The following TJP1 variants were observed in gnomAD, a reference collection of about 807,000 sequenced individuals.
TJP1 encodes the protein tight junction protein ZO-1.
TJP1 carries 43 observed loss-of-function variants against 194.2 expected under a neutral mutation model. That is an observed-to-expected ratio of 0.22 (90% CI 0.17 to 0.29). The LOEUF (loss-of-function observed/expected upper bound fraction) is 0.29. TJP1 is among the 10% of genes least tolerant of loss of function. The probability of loss-of-function intolerance (pLI) is 1.00; values close to 1 mark genes in which losing one functional copy is unlikely to be tolerated. For synonymous variants in TJP1, 801 were observed against 779.0 expected (o/e 1.03, Z -0.47); for missense variants, 1,971 against 2,185.7 (o/e 0.90, Z 1.96).
intron 2 of TJP1, among the ~76,000 whole-genome samples, chr15:29,919,783 T>C (rs934675888): frequency 3.9e-5 from 6 of 152,218 alleles, no homozygotes; most frequent in African/African-American, 1.2e-4. Flanking sequence ...CCCAGCCTGT[T>C]CATTTCTTCT....
At chr15:29,772,203 A>G (rs1367959287) in intron 3 of TJP1, 37 bp from the exon 4 acceptor site, 1 of 1,282,780 alleles carries the variant, frequency 7.8e-7, no homozygotes, top group South Asian at 1.3e-5. Flanking sequence ...ATGTTAGAGA[A>G]AAACATTCTG....
At chr15:29,938,872 A>G (rs1320504863) in intron 2 of TJP1, among the ~76,000 whole-genome samples, 1 of 152,228 alleles carries the variant, frequency 6.6e-6, no homozygotes, top group East Asian at 1.9e-4. Context: ...AACGCTTCCT[A>G]ACTGCACACG....
intron 2 of TJP1, among the ~76,000 whole-genome samples, chr15:29,880,399 T>C (rs957165094): frequency 1.3e-5 from 2 of 152,246 alleles, no homozygotes; most frequent in African/African-American, 4.8e-5. Context: ...AGGATAGATA[T>C]ATCTAGCACC....
At chr15:29,853,505 A>T (rs1044321738) in intron 2 of TJP1, among the ~76,000 whole-genome samples, 1 of 152,230 alleles carries the variant, frequency 6.6e-6, no homozygotes, top group Non-Finnish European at 1.5e-5. Context: ...TGGACAAAGT[A>T]TACAAGGCAC....
intron 18 of TJP1, among the ~76,000 whole-genome samples, chr15:29,722,053 T>A (rs897076684): frequency 2.6e-5 from 4 of 152,186 alleles, no homozygotes; most frequent in African/African-American, 9.7e-5. Flanking sequence ...TATTTAAAAG[T>A]GAAGCAGAGC....
At chr15:29,744,469 A>G (rs535341652) in intron 8 of TJP1, among the ~76,000 whole-genome samples, 2 of 152,354 alleles carry the variant, frequency 1.3e-5, no homozygotes, top group East Asian at 3.9e-4. Flanking sequence ...ATGTTCATTA[A>G]TAATTTCCCC....
intron 2 of TJP1, among the ~76,000 whole-genome samples, chr15:29,776,997 T>C (rs1301342167): frequency 8.5e-5 from 13 of 152,222 alleles, no homozygotes; most frequent in South Asian, 2.1e-4. Context: ...AAGTAAACAA[T>C]TGTTCAAGTA....
intron 25 of TJP1, among the ~76,000 whole-genome samples, chr15:29,708,181 G>C (rs2042015698): frequency 6.7e-6 from 1 of 149,642 alleles, no homozygotes; most frequent in African/African-American, 2.5e-5. Context: ...GGGCGACAGA[G>C]GGAGACTCTT....
intron 8 of TJP1, among the ~76,000 whole-genome samples, chr15:29,749,170 T>G (rs1382610154): frequency 6.6e-6 from 1 of 151,358 alleles, no homozygotes; most frequent in Non-Finnish European, 1.5e-5. Flanking sequence ...TTGTATTAAC[T>G]TGCACGTATT....
intron 1 of TJP1, among the ~76,000 whole-genome samples, chr15:29,957,150 C>T (rs866345128): frequency 3.3e-5 from 5 of 152,058 alleles, no homozygotes; most frequent in Admixed American, 6.6e-5. Flanking sequence ...CTTAATTCAG[C>T]ATAATTATGG....
intron 2 of TJP1, among the ~76,000 whole-genome samples, chr15:29,953,553 T>C (rs960396815): frequency 2.1e-4 from 32 of 152,218 alleles, no homozygotes; most frequent in African/African-American, 7.2e-4. Context: ...CCATATCTTA[T>C]GGTAGAAAGT....
chr15:29,875,926 G>A (rs966196931), intron 2 of TJP1, among the ~76,000 whole-genome samples: 1 of 152,156 alleles, frequency 6.6e-6, no homozygotes, highest in African/African-American at 2.4e-5. Flanking sequence ...CATTTCCAAT[G>A]ACCAAATATA....
intron 2 of TJP1, among the ~76,000 whole-genome samples, chr15:29,925,096 T>G (rs1434319905): frequency 6.6e-6 from 1 of 152,208 alleles, no homozygotes; most frequent in Non-Finnish European, 1.5e-5. Context: ...GAGCTGATTA[T>G]GCTATGCAAA....
chr15:29,842,987 T>G (rs2051279709), intron 2 of TJP1, among the ~76,000 whole-genome samples: 1 of 152,148 alleles, frequency 6.6e-6, no homozygotes, highest in Non-Finnish European at 1.5e-5. Flanking sequence ...ATCACTGATT[T>G]TTTTAAAAAG....
chr15:29,806,933 C>T (rs1006636976), intron 1 of TJP1, among the ~76,000 whole-genome samples: 4 of 151,980 alleles, frequency 2.6e-5, no homozygotes, highest in South Asian at 2.1e-4. Context: ...AGGGTCCTAA[C>T]GATATTCAGG....
chr15:29,768,058 C>G (rs2151594623), intron 4 of TJP1, among the ~76,000 whole-genome samples: 1 of 152,326 alleles, frequency 6.6e-6, no homozygotes, highest in East Asian at 1.9e-4. Context: ...CATCTTTTCT[C>G]TCTTCTCTAT....
intron 2 of TJP1, among the ~76,000 whole-genome samples, chr15:29,893,141 G>C (rs1452752267): frequency 6.6e-6 from 1 of 152,132 alleles, no homozygotes; most frequent in East Asian, 1.9e-4. Context: ...GTTCAGTGGA[G>C]GAAGTAACTG....
At position 29,761,653 on chromosome 15, in the gene TJP1, A is replaced by T. The variant is rs2046016245; in HGVS notation, c.810T>A (p.Asn270Lys). The T allele has an allele frequency of 6.2e-7, 1 of 1,610,350 alleles. No homozygotes were observed. Residue 270 changes from asparagine to lysine, a missense_variant, in exon 7 of 28, where the codon AAT becomes AAA. Coordinates refer to ENST00000614355, the MANE Select transcript of TJP1 (RefSeq NM_001330239.4). ...VQRDERATLL[N>K]VPDLSDSIHS... ...GGATGCTGTCAGAAAGATCAGGGAC[A>T]TTCAATAGCGTAGCCCGTTCATCTC...
chr15:29,830,770 C>T (rs1462865753), intron 2 of TJP1, among the ~76,000 whole-genome samples: 6 of 151,672 alleles, frequency 4.0e-5, no homozygotes, highest in South Asian at 4.2e-4. Flanking sequence ...TCCTAATGTC[C>T]GTATTGTAAT....
Sources: allele counts gnomAD v4.1 joint callset (sites outside exome capture counted in the v4.1 genomes callset), GRCh38; gene constraint gnomAD v4.1.1; transcripts MANE v1.5; gene names NCBI Gene and HGNC (gene_info 2026-07-23, HGNC 2026-07-21).